SEL1L: variants seen among roughly 807,000 people sequenced by gnomAD.
SEL1L encodes SEL1L adaptor subunit of SYVN1 ubiquitin ligase, also known as protein sel-1 homolog 1.
A neutral mutation model predicts 109.8 loss-of-function variants in SEL1L; 52 were observed. The observed-to-expected ratio is 0.47, with a 90% CI of 0.38 to 0.60. SEL1L has a LOEUF of 0.60. Among genes scored for constraint, SEL1L ranks in the 20% least tolerant of loss-of-function variants. SEL1L has a pLI of 0.00. For missense variants in SEL1L, 749 were observed against 962.2 expected (o/e 0.78, Z 2.93); for synonymous variants, 373 against 339.6 (o/e 1.10, Z -1.08).
chr14:81,489,333 A>G lies in SEL1L; in HGVS notation c.1333-19T>C. The G allele has an allele frequency of 6.2e-7, 1 of 1,605,536 alleles. No individual in the cohort carries two copies. The highest frequency in any genetic ancestry group is 8.5e-7 in the Non-Finnish European group (1 of 1,173,632). ...GGTTGCCCTGCAAAGCAGAGAAATC[A>G]GACAAAAGAGTGAAAAGAATTCATT... On this transcript the variant is annotated intron_variant, in intron 13 of 20. Coordinates refer to ENST00000336735, the MANE Select transcript of SEL1L (RefSeq NM_005065.6).
chr14:81,491,271 A>T (rs908005596), intron 12 of SEL1L, among the ~76,000 whole-genome samples: 4 of 152,260 alleles, frequency 2.6e-5, no homozygotes, highest in Non-Finnish European at 5.9e-5. Context: ...GTTTACTTGA[A>T]GAGGGTTTAA....
chr14:81,531,985 A>G (rs1176776754), intron 1 of SEL1L, among the ~76,000 whole-genome samples: 1 of 152,240 alleles, frequency 6.6e-6, no homozygotes, highest in East Asian at 1.9e-4. Context: ...TATGATGGAA[A>G]TCAGAGCAGA....
chr14:81,499,122 GA>G (rs1446689007), intron 8 of SEL1L: 3 of 1,010,722 alleles, frequency 3.0e-6, no homozygotes, highest in Non-Finnish European at 2.4e-6. Flanking sequence ...AAAAACTAAA[GA>G]AAAATTTTTA....
At chr14:81,501,916 C>A (rs1037939900) in intron 6 of SEL1L, among the ~76,000 whole-genome samples, 1 of 151,706 alleles carries the variant, frequency 6.6e-6, no homozygotes, top group Non-Finnish European at 1.5e-5. Context: ...AAACTAAAAG[C>A]CACCATGAAA....
chr14:81,499,855 T>C (rs1883929376), intron 6 of SEL1L, among the ~76,000 whole-genome samples, 193 bp from the exon 7 acceptor site: 1 of 151,720 alleles, frequency 6.6e-6, no homozygotes, highest in Non-Finnish European at 1.5e-5. Flanking sequence ...CATTACACAA[T>C]TAAATTAAAT....
At chr14:81,533,604 A>T in intron 1 of SEL1L, 71 bp downstream of exon 1, 1 of 1,482,076 alleles carries the variant, frequency 6.7e-7, no homozygotes, top group Non-Finnish European at 9.3e-7. Context: ...TGGAGTCCCC[A>T]CGGCCCCGCC....
At chr14:81,514,103 C>T (rs1353348596) in intron 3 of SEL1L, among the ~76,000 whole-genome samples, 1 of 152,208 alleles carries the variant, frequency 6.6e-6, no homozygotes, top group East Asian at 1.9e-4. Context: ...CTAGTATATA[C>T]TCCAGGACTC....
chr14:81,495,158 G>A (rs957455320), intron 10 of SEL1L, 21 bp from the exon 11 acceptor site: 1 of 1,612,422 alleles, frequency 6.2e-7, no homozygotes, highest in Admixed American at 1.7e-5. Flanking sequence ...TCACAAACAA[G>A]GCAAAAGTAA....
Position 81,489,823 on chromosome 14 carries a change from AG to A in SEL1L, c.1333-510del, listed in dbSNP as rs1051497636. 1.3e-3 allele frequency among the ~76,000 whole-genome samples: 194 copies of A among 151,788 alleles called. 1 individual carries two copies. The highest frequency in any genetic ancestry group is 0.01 in the Middle Eastern group (3 of 290). ...GAAAATCACTGTTTTGGGACTAGAAAGAAAAAAATCTAGAATTTGCCTAAAC... is the reference window on the plus strand; with the variant it reads ...GAAAATCACTGTTTTGGGACTAGAAAAAAAAAATCTAGAATTTGCCTAAAC... On this transcript the variant is annotated intron_variant, in intron 13 of 20. Transcript: ENST00000336735.
chr14:81,504,387 G>A (rs1169002502), intron 4 of SEL1L, 81 bp from the exon 5 acceptor site: 5 of 969,868 alleles, frequency 5.2e-6, no homozygotes, highest in African/African-American at 1.7e-5. Context: ...CTTTTGGGCA[G>A]TCATACAAAC....
intron 10 of SEL1L, among the ~76,000 whole-genome samples, chr14:81,496,159 T>C (rs912671613): frequency 1.3e-5 from 2 of 151,562 alleles, no homozygotes; most frequent in African/African-American, 2.4e-5. Flanking sequence ...CTGTCTCTAC[T>C]AAAAATACAA....
chr14:81,477,762 G>C (rs571387403), intron 20 of SEL1L, among the ~76,000 whole-genome samples: 11 of 152,250 alleles, frequency 7.2e-5, no homozygotes, highest in Non-Finnish European at 1.3e-4. Flanking sequence ...GCGGTGAGCC[G>C]AGACTGTGCC....
chr14:81,484,324 A>C lies in SEL1L; in HGVS notation c.1947T>G (p.Thr649=). ...AAGCCAGACGGTAATGAATAAATGC[A>C]GTTTCATAATCTACATCGGTGCCAA... ...YGFGTDVDYE[T]AFIHYRLASE... Residue 649 remains threonine (T), a synonymous_variant, in exon 19 of 21, where the codon ACT becomes ACG. Transcript: ENST00000336735. The C allele has an allele frequency of 6.2e-7, 1 of 1,614,156 alleles. No individual in the cohort carries two copies. The highest frequency in any genetic ancestry group is 1.1e-5 in the South Asian group (1 of 91,080).
chr14:81,506,211 C>T lies in SEL1L; in HGVS notation c.371G>A (p.Gly124Glu). ...ALTAIEGTAH[G>E]EPCHFPFLFL... ...AAGAAAAGGGAAGTGGCAGGGCTCC[C>T]CATGTGCTGTGCCTTCAATGGCGGT... Residue 124 changes from glycine (G) to glutamate (E), a missense_variant, in exon 4 of 21, where the codon GGG (glycine) becomes GAG (glutamate). Around this residue, in one of 2 missense-constraint regions of SEL1L, gnomAD observed 366 missense variants for 399.8 expected, o/e 0.92. Transcript: ENST00000336735. 1 of 1,610,112 alleles carries T rather than the reference C, an allele frequency of 6.2e-7. No homozygotes were observed. The highest frequency in any genetic ancestry group is 8.5e-7 in the Non-Finnish European group (1 of 1,178,488).
chr14:81,486,257 T>G, intron 17 of SEL1L, 32 bp downstream of exon 17: 2 of 1,611,160 alleles, frequency 1.2e-6, no homozygotes, highest in South Asian at 1.1e-5. Flanking sequence ...TCGTACATTC[T>G]AAACCTAAGG....
chr14:81,514,943 A>C (rs2140041212), intron 3 of SEL1L, among the ~76,000 whole-genome samples: 1 of 152,314 alleles, frequency 6.6e-6, no homozygotes, highest in Non-Finnish European at 1.5e-5. Flanking sequence ...AGGGAAGGCA[A>C]ATGGAGTGAA....
chr14:81,512,084 C>T (rs1039045003), intron 3 of SEL1L, among the ~76,000 whole-genome samples: 1 of 152,142 alleles, frequency 6.6e-6, no homozygotes, highest in Non-Finnish European at 1.5e-5. Flanking sequence ...CCTGGCTGGG[C>T]CATAGTGCCC....
rs544673277 is a variant in SEL1L, at chr14:81,488,769, G to C, written c.1395+483C>G. ...TGTACAGAGAGTATAGTTCCATGAA[G>C]CAGAAGTTCGATTGCTAAGAACTCA... On this transcript the variant is annotated intron_variant, in intron 14 of 20. Coordinates refer to ENST00000336735, the MANE Select transcript of SEL1L (RefSeq NM_005065.6). 6 of 194,036 alleles carry C rather than the reference G, an allele frequency of 3.1e-5. No homozygotes were observed. The South Asian group carries it at 6.1e-4, about 20-fold the overall frequency. The allele number at this position is 194,036 out of a possible 1,614,324, so 12.0% of individuals were successfully genotyped here. A position where few individuals can be genotyped will look rare whatever the true frequency, so the allele number is the denominator to read the frequency against.
At chr14:81,490,578 A>C in intron 12 of SEL1L, 113 bp from the exon 13 acceptor site, 1 of 812,200 alleles carries the variant, frequency 1.2e-6, no homozygotes, top group Non-Finnish European at 2.0e-6. Flanking sequence ...TTTCCAAAAA[A>C]TTTAGAATTC....
Sources: allele counts gnomAD v4.1 joint callset (sites outside exome capture counted in the v4.1 genomes callset), GRCh38; gene constraint gnomAD v4.1.1; regional missense constraint gnomAD v4.1.1; transcripts MANE v1.5; gene names NCBI Gene and HGNC (gene_info 2026-07-23, HGNC 2026-07-21).